The following MOXD1 variants were observed in gnomAD, a reference collection of about 807,000 sequenced individuals.
The protein encoded by MOXD1 is monooxygenase DBH like 1, also known as DBH-like monooxygenase protein 1.
In MOXD1, 62 loss-of-function variants were observed where a neutral mutation model predicts 66.6. That is an observed-to-expected ratio of 0.93 (90% CI 0.76 to 1.15). The LOEUF (loss-of-function observed/expected upper bound fraction) is 1.15, where lower values mean the gene tolerates loss of function less well. Ranked by LOEUF, MOXD1 falls within the 50% of genes most tolerant of loss-of-function variation. MOXD1 has a pLI of 0.00. For synonymous variants in MOXD1, 303 were observed against 281.9 expected (o/e 1.07, Z -0.75); for missense variants, 847 against 754.6 (o/e 1.12, Z -1.44).
chr6:132,340,942 G>A (rs940490701), intron 4 of MOXD1, among the ~76,000 whole-genome samples: 3 of 151,984 alleles, frequency 2.0e-5, no homozygotes, highest in African/African-American at 7.3e-5. Flanking sequence ...CACTGCGCCC[G>A]GCAAGACTCA....
At chr6:132,374,531 G>A (rs1776335791) in intron 2 of MOXD1, 100 bp downstream of exon 2, 2 of 1,040,946 alleles carry the variant, frequency 1.9e-6, no homozygotes, top group Non-Finnish European at 2.6e-6. Context: ...AAAAATATTA[G>A]AAAAAAGACT....
intron 4 of MOXD1, among the ~76,000 whole-genome samples, chr6:132,330,467 C>T (rs981472425): frequency 6.6e-6 from 1 of 152,208 alleles, no homozygotes; most frequent in African/African-American, 2.4e-5. Flanking sequence ...CTCCCCCATC[C>T]TCCAGTCCGT....
chr6:132,386,971 T>C (rs1457823234), intron 1 of MOXD1, among the ~76,000 whole-genome samples: 1 of 151,276 alleles, frequency 6.6e-6, no homozygotes, highest in Non-Finnish European at 1.5e-5. Context: ...AAGACAATGA[T>C]CATGTCTTTC....
chr6:132,386,195 A>G lies in MOXD1; in HGVS notation c.265-11418T>C, dbSNP rs113049230. Reference sequence around the variant, plus strand: ...AGGCGGGCGGATCACGAGGTCAGGAAATCAAGACCATCCTGGCTAACACGG... The same window carrying G: ...AGGCGGGCGGATCACGAGGTCAGGAGATCAAGACCATCCTGGCTAACACGG... On this transcript the variant is annotated intron_variant, in intron 1 of 11. Coordinates refer to ENST00000367963, the MANE Select transcript of MOXD1 (RefSeq NM_015529.4). Among the ~76,000 whole-genome samples, 617 of 137,826 alleles carry G rather than the reference A, an allele frequency of 4.5e-3. 24 individuals are homozygous for G. Among genetic ancestry groups the G allele is most frequent in the African/African-American group, 0.013 (474 of 36,364 alleles). 90.4% of individuals were successfully genotyped at this position (137,826 alleles called of 152,430 possible). A position where few individuals can be genotyped will look rare whatever the true frequency, so the allele number is the denominator to read the frequency against.
chr6:132,399,765 G>A (rs540838345), intron 1 of MOXD1, among the ~76,000 whole-genome samples: 1 of 152,084 alleles, frequency 6.6e-6, no homozygotes, highest in Non-Finnish European at 1.5e-5. Context: ...CTCCCTAAAC[G>A]GTAAAATTTC....
chr6:132,386,102 CAAA>C (rs562046512), intron 1 of MOXD1, among the ~76,000 whole-genome samples: 2 of 89,110 alleles, frequency 2.2e-5, no homozygotes, highest in African/African-American at 4.2e-5. Flanking sequence ...GACTGCGTCT[CAAA>C]AAAAAAAAAA....
chr6:132,370,812 G>T (rs1262424811), intron 4 of MOXD1, among the ~76,000 whole-genome samples: 1 of 152,102 alleles, frequency 6.6e-6, no homozygotes, highest in Non-Finnish European at 1.5e-5. Context: ...CTAAGTTCAT[G>T]TGTCTGAGAA....
chr6:132,353,036 G>T (rs1049980611), intron 4 of MOXD1, among the ~76,000 whole-genome samples: 3 of 152,020 alleles, frequency 2.0e-5, no homozygotes, highest in Admixed American at 6.6e-5. Flanking sequence ...GAGTCCTTAC[G>T]TGTTAGGTGA....
In MOXD1 at chr6:132,372,854, T is replaced by C; in HGVS notation, c.555A>G (p.Pro185=). 6.2e-7 allele frequency: 1 copy of C among 1,614,020 alleles called. No homozygotes were observed. Among genetic ancestry groups the C allele is most frequent in the African/African-American group, 1.3e-5 (1 of 75,046 alleles). The change falls in exon 3 of 12, where the codon CCA becomes CCG. Residue 185 remains proline, a synonymous_variant. Coordinates refer to ENST00000367963, the MANE Select transcript of MOXD1 (RefSeq NM_015529.4). ...EKTSVLSTAL[P]YFDLVNQDVP... ...CGTCCTGATTTACCAGATCAAAGTA[T>C]GGTAAGGCTGTAGATAGCACACTAG...
chr6:132,299,817 T>C (rs1422385785), intron 10 of MOXD1, among the ~76,000 whole-genome samples: 1 of 152,094 alleles, frequency 6.6e-6, no homozygotes, highest in Non-Finnish European at 1.5e-5. Flanking sequence ...TCTATAATTA[T>C]CAAATAATCT....
At chr6:132,349,685 A>G (rs1775764564) in intron 4 of MOXD1, among the ~76,000 whole-genome samples, 1 of 151,724 alleles carries the variant, frequency 6.6e-6, no homozygotes, top group Non-Finnish European at 1.5e-5. Flanking sequence ...TTAGTTCTTT[A>G]AGGAATCTCC....
chr6:132,338,973 G>GT (rs1775495334), intron 4 of MOXD1, among the ~76,000 whole-genome samples: 1 of 152,194 alleles, frequency 6.6e-6, no homozygotes, highest in African/African-American at 2.4e-5. Context: ...CAGACAACAA[G>GT]TAAGTCTATA....
In MOXD1 at chr6:132,307,556, C is replaced by A. The variant is rs189251771; in HGVS notation, c.1508+8079G>T. ...TACCGAACTGTCTACCTGAAATCAACAAAACATACATTCTTCTCAGTGCCA... is the reference window on the plus strand; with the variant it reads ...TACCGAACTGTCTACCTGAAATCAAAAAAACATACATTCTTCTCAGTGCCA... On this transcript the variant is annotated intron_variant, in intron 10 of 11. Transcript: ENST00000367963. Among the ~76,000 whole-genome samples the A allele has an allele frequency of 5.3e-5, 8 of 152,306 alleles. No homozygotes were observed. The East Asian group carries it at 1.5e-3, about 29-fold the overall frequency.
intron 4 of MOXD1, among the ~76,000 whole-genome samples, chr6:132,357,255 T>C (rs945723737): frequency 6.6e-6 from 1 of 152,126 alleles, no homozygotes; most frequent in Admixed American, 6.5e-5. Flanking sequence ...GAAAAAAATG[T>C]GACTGAACTA....
At chr6:132,340,339 C>T (rs1053365036) in intron 4 of MOXD1, among the ~76,000 whole-genome samples, 3 of 152,016 alleles carry the variant, frequency 2.0e-5, no homozygotes, top group Admixed American at 6.5e-5. Flanking sequence ...TGTTTCTTCC[C>T]GTCTTCAGAC....
At chr6:132,341,061 T>C (rs1041092163) in intron 4 of MOXD1, among the ~76,000 whole-genome samples, 25 of 152,202 alleles carry the variant, frequency 1.6e-4, no homozygotes, top group Non-Finnish European at 3.4e-4. Context: ...ATAACAATAG[T>C]CATCTACTTA....
rs1318594265 is a variant in MOXD1 at position 132,328,432 on chromosome 6, A to C, written c.826T>G (p.Trp276Gly). Residue 276 changes from tryptophan (W) to glycine (G), a missense_variant, in exon 5 of 12, where the codon TGG (tryptophan) becomes GGG (glycine). Physicochemically the swap from Trp to Gly is radical, Grantham distance 184 (BLOSUM62 -2). Transcript: ENST00000367963. ...AGCCCCACCTCTCCACCAATAGCCC[A>C]GGCAAAAATCACAGTTTCACAGGTG... ...FLTCETVIFA[W>G]AIGGEGFSYP... 15 of 1,614,034 alleles carry C rather than the reference A, an allele frequency of 9.3e-6. No individual in the cohort carries two copies. The highest frequency in any genetic ancestry group is 1.2e-5 in the Non-Finnish European group (14 of 1,180,018).
At chr6:132,359,718 C>T (rs1678616527) in intron 4 of MOXD1, among the ~76,000 whole-genome samples, 1 of 151,686 alleles carries the variant, frequency 6.6e-6, no homozygotes, top group African/African-American at 2.4e-5. Context: ...CATCTCCTGA[C>T]CTCATAATCC....
At chr6:132,320,891 C>T (rs967593234) in intron 8 of MOXD1, among the ~76,000 whole-genome samples, 12 of 152,184 alleles carry the variant, frequency 7.9e-5, no homozygotes, top group African/African-American at 2.4e-4. Flanking sequence ...GTGTTTCCAC[C>T]AGACTCCACA....
Sources: allele counts gnomAD v4.1 joint callset (sites outside exome capture counted in the v4.1 genomes callset), GRCh38; gene constraint gnomAD v4.1.1; transcripts MANE v1.5; gene names NCBI Gene and HGNC (gene_info 2026-07-23, HGNC 2026-07-21).